The following MCC variants were observed in gnomAD, a reference collection of about 807,000 sequenced individuals.
The protein encoded by MCC is colorectal mutant cancer protein.
Under a neutral mutation model 116.2 loss-of-function variants are expected in MCC, and 90 were observed. The ratio of observed to expected loss-of-function variants is 0.77; its 90% CI spans 0.65 to 0.92. MCC has a LOEUF of 0.92. Among genes scored for constraint, MCC ranks in the 40% least tolerant of loss-of-function variants. MCC has a pLI of 0.00. For synonymous variants in MCC, 578 were observed against 510.5 expected (o/e 1.13, Z -1.78); for missense variants, 1,516 against 1,312.2 (o/e 1.16, Z -2.40).
intron 3 of MCC, among the ~76,000 whole-genome samples, chr5:113,275,109 G>T (rs1438664319): frequency 6.6e-6 from 1 of 152,106 alleles, no homozygotes; most frequent in Non-Finnish European, 1.5e-5. Context: ...AAAGCCTCCA[G>T]CCAGTCCATC....
rs185425292 is a variant in MCC, at chr5:113,155,943, A to C, written c.628-4521T>G. 1.5e-4 allele frequency among the ~76,000 whole-genome samples: 23 copies of C among 152,346 alleles called. 1 individual carries two copies. The highest frequency in any genetic ancestry group is 5.5e-4 in the African/African-American group (23 of 41,568). ...TTCTGGCCAGTGCGATGTAAGCAGA[A>C]ATACTGTGTGAGAGGTATGGGAAAA... On this transcript the variant is annotated intron_variant, in intron 3 of 18. Transcript: ENST00000408903.
intron 1 of MCC, among the ~76,000 whole-genome samples, chr5:113,430,682 T>C (rs778433159): frequency 6.6e-6 from 1 of 152,064 alleles, no homozygotes; most frequent in Non-Finnish European, 1.5e-5. Flanking sequence ...CCAACTTTGT[T>C]TGTAGGAGGG....
intron 3 of MCC, among the ~76,000 whole-genome samples, chr5:113,223,738 G>T (rs1293454346): frequency 6.6e-6 from 1 of 152,160 alleles, no homozygotes; most frequent in African/African-American, 2.4e-5. Context: ...AACTGGTCAG[G>T]GCAAGAGGAG....
At chr5:113,476,890 G>A (rs531942257) in intron 1 of MCC, among the ~76,000 whole-genome samples, 93 of 152,302 alleles carry the variant, frequency 6.1e-4, no homozygotes, top group Non-Finnish European at 9.4e-4. Context: ...GGTTAATTAT[G>A]TAGTACGTCA....
At chr5:113,158,093 C>G (rs1175473769) in intron 3 of MCC, among the ~76,000 whole-genome samples, 1 of 152,192 alleles carries the variant, frequency 6.6e-6, no homozygotes, top group Non-Finnish European at 1.5e-5. Flanking sequence ...AATGCATCAG[C>G]CTACTCAAAA....
At position 113,400,273 on chromosome 5, in the gene MCC, C is replaced by T. The variant is rs796465292; in HGVS notation, c.171-15061G>A. On this transcript the variant is annotated intron_variant, in intron 1 of 18. Transcript: ENST00000408903. ...GAGTAGCTGGAATTGCAGGCGCCCGCCACTATGCCCAGCTAATTTTTGTAC... is the reference window on the plus strand; with the variant it reads ...GAGTAGCTGGAATTGCAGGCGCCCGTCACTATGCCCAGCTAATTTTTGTAC... 1.9e-4 allele frequency among the ~76,000 whole-genome samples: 29 copies of T among 152,060 alleles called. 1 individual carries two copies. Among genetic ancestry groups the T allele is most frequent in the African/African-American group, 7.0e-4 (29 of 41,472 alleles).
intron 4 of MCC, 79 bp downstream of exon 4, chr5:113,151,230 T>C (rs1323817476): frequency 2.4e-6 from 2 of 820,708 alleles, no homozygotes; most frequent in Non-Finnish European, 3.9e-6. Flanking sequence ...TGGGAATTTC[T>C]GTACTCATGT....
chr5:113,071,078 C>T lies in MCC; in HGVS notation c.1925+16G>A, dbSNP rs372895771. 1.0e-5 allele frequency: 16 copies of T among 1,602,438 alleles called. No individual in the cohort carries two copies. The Admixed American group carries it at 1.7e-4, about 17-fold the overall frequency. ...TCTACCCTGAAGTAGCTCCAAACAT[C>T]CCAGTGTGTGCCTACCTGTACTGCA... On this transcript the variant is annotated intron_variant, in intron 12 of 18. Transcript: ENST00000408903.
intron 3 of MCC, among the ~76,000 whole-genome samples, chr5:113,266,332 C>T (rs1032885606): frequency 5.9e-5 from 9 of 152,130 alleles, no homozygotes; most frequent in Middle Eastern, 6.8e-3. Flanking sequence ...ATTCACTCCC[C>T]CAAAGTGGGA....
At chr5:113,310,852 G>T (rs1276636358) in intron 3 of MCC, among the ~76,000 whole-genome samples, 4 of 152,190 alleles carry the variant, frequency 2.6e-5, no homozygotes, top group African/African-American at 9.7e-5. Context: ...GGATTCTTGA[G>T]ACAACTGCAT....
intron 1 of MCC, among the ~76,000 whole-genome samples, chr5:113,452,285 G>A (rs566451020): frequency 5.3e-4 from 80 of 152,316 alleles, no homozygotes; most frequent in African/African-American, 1.9e-3. Context: ...ATAGGAATGG[G>A]AAGAATTGTG....
intron 1 of MCC, among the ~76,000 whole-genome samples, chr5:113,465,169 C>A (rs1580411059): frequency 2.1e-5 from 3 of 140,124 alleles, no homozygotes; most frequent in African/African-American, 5.3e-5. Context: ...TGTTATAAAG[C>A]AACAGTATTG....
chr5:113,471,484 C>T lies in MCC; in HGVS notation c.170+16761G>A, dbSNP rs111779162. Among the ~76,000 whole-genome samples, 8 of 152,202 alleles carry T rather than the reference C, an allele frequency of 5.3e-5. 1 individual carries two copies. Among genetic ancestry groups the T allele is most frequent in the Admixed American group, 2.0e-4 (3 of 15,276 alleles). ...ATCGGCAGCGGTGGCTGCAGAGCAG[C>T]GGATACTGGTGAACCACAGATGCTG... On this transcript the variant is annotated intron_variant, in intron 1 of 18. Coordinates refer to ENST00000408903, the MANE Select transcript of MCC (RefSeq NM_001085377.2).
At chr5:113,319,579 T>G (rs1245737771) in intron 3 of MCC, among the ~76,000 whole-genome samples, 2 of 152,148 alleles carry the variant, frequency 1.3e-5, no homozygotes, top group African/African-American at 2.4e-5. Flanking sequence ...AGTGATTGGA[T>G]CTAATCATTT....
At position 113,043,639 on chromosome 5, in the gene MCC, A is replaced by C; in HGVS notation, c.2656-9T>G. On this transcript the variant is annotated splice_polypyrimidine_tract_variant and intron_variant, in intron 16 of 18. Transcript: ENST00000408903. The stretch of plus-strand genomic sequence containing the variant: ...GCAGCATCAGCACACTCCTGACAAC[A>C]GCAAACACATTCCAGTTAGGCCTGA... 6 of 1,599,520 alleles carry C rather than the reference A, an allele frequency of 3.8e-6. No homozygotes were observed. Among genetic ancestry groups the C allele is most frequent in the Non-Finnish European group, 5.1e-6 (6 of 1,167,100 alleles).
chr5:113,132,425 TAC>T (rs1322423297), intron 5 of MCC, among the ~76,000 whole-genome samples: 64 of 17,574 alleles, frequency 3.6e-3, no homozygotes, highest in African/African-American at 3.2e-3. Context: ...TATACACACA[TAC>T]ATATATATAT....
In MCC at chr5:113,433,930, A is replaced by G. The variant is rs1453340466; in HGVS notation, c.171-48718T>C. The G allele has an allele frequency of 1.1e-5, 17 of 1,613,886 alleles. No individual in the cohort carries two copies. The South Asian group carries it at 1.6e-4, about 16-fold the overall frequency. ...AGCTTGGTGGCAGACTTCTTGTCAG[A>G]GCCAGGTTCGGGGGTCCACAAGGGT... is the stretch of plus-strand genomic sequence containing the variant. On this transcript the variant is annotated intron_variant, in intron 1 of 18. Transcript: ENST00000408903.
At chr5:113,255,889 G>C (rs369152447) in intron 3 of MCC, among the ~76,000 whole-genome samples, 30 of 152,272 alleles carry the variant, frequency 2.0e-4, no homozygotes, top group Non-Finnish European at 2.9e-4. Context: ...AGCAAAGGGA[G>C]TAATTTAGAT....
intron 3 of MCC, among the ~76,000 whole-genome samples, chr5:113,192,599 T>TG (rs1762200542): frequency 6.6e-6 from 1 of 152,250 alleles, no homozygotes; most frequent in South Asian, 2.1e-4. Context: ...AACAGTGTGA[T>TG]GTGCAATTTA....
Sources: gnomAD v4.1 joint callset for allele counts (sites outside exome capture counted in the v4.1 genomes callset) on GRCh38, gnomAD v4.1.1 for gene constraint, MANE v1.5 for transcripts, NCBI Gene and HGNC (gene_info 2026-07-23, HGNC 2026-07-21) for gene names.